Variants in MSI2 observed in about 807,000 individuals in gnomAD.
The protein encoded by MSI2 is musashi RNA binding protein 2, also known as RNA-binding protein Musashi homolog 2.
A neutral mutation model predicts 45.6 loss-of-function variants in MSI2; 17 were observed. The observed-to-expected ratio is 0.37, with a 90% CI of 0.26 to 0.56. The LOEUF (loss-of-function observed/expected upper bound fraction) is 0.56. MSI2 is among the 20% of genes least tolerant of loss of function. MSI2 has a pLI of 0.77. For missense variants in MSI2, 293 were observed against 444.2 expected (o/e 0.66, Z 3.06); for synonymous variants, 156 against 158.2 (o/e 0.99, Z 0.11).
the MSI2 span, among the ~76,000 whole-genome samples, chr17:57,690,578 G>C: frequency 6.6e-6 from 1 of 152,218 alleles, no homozygotes; most frequent in South Asian, 2.1e-4. Flanking sequence ...AAGATTGTAC[G>C]ACTGTACTCC....
intron 6 of MSI2, among the ~76,000 whole-genome samples, chr17:57,453,085 C>CCTCCAG (rs1433168151): frequency 3.3e-5 from 5 of 150,904 alleles, no homozygotes; most frequent in Non-Finnish European, 5.9e-5. Flanking sequence ...CTCACTGCAA[C>CCTCCAG]CTCCACCTCC....
At chr17:57,293,301 T>G (rs913301214) in intron 5 of MSI2, among the ~76,000 whole-genome samples, 3 of 151,998 alleles carry the variant, frequency 2.0e-5, no homozygotes, top group Non-Finnish European at 4.4e-5. Flanking sequence ...GCTTGGAGTA[T>G]GAAACCACCA....
chr17:57,596,276 TCAAA>T lies in MSI2; in HGVS notation c.455-589_455-586del, dbSNP rs1429417639. On this transcript the variant is annotated intron_variant, in intron 7 of 13. Transcript: ENST00000284073. The surrounding 1 kb of genome is among the most constrained non-coding windows in gnomAD (Gnocchi z 4.6). ...ATAGCTGACGGGCTGACAGCAGGCATCAAACAGTCTTAAACTGCCCCAAATCCAG... is the reference window on the plus strand; with the variant it reads ...ATAGCTGACGGGCTGACAGCAGGCATCAGTCTTAAACTGCCCCAAATCCAG... Among the ~76,000 whole-genome samples, 1 of 152,162 alleles carries T rather than the reference TCAAA, an allele frequency of 6.6e-6. No individual in the cohort carries two copies. The highest frequency in any genetic ancestry group is 1.9e-4 in the East Asian group (1 of 5,188).
chr17:57,690,876 A>T, the MSI2 span, among the ~76,000 whole-genome samples: 1 of 152,208 alleles, frequency 6.6e-6, no homozygotes, highest in South Asian at 2.1e-4. Context: ...CAACAATTTT[A>T]TCCTATATTC....
chr17:57,647,275 A>AG (rs1491412727), intron 10 of MSI2, among the ~76,000 whole-genome samples: 1 of 55,140 alleles, frequency 1.8e-5, no homozygotes, highest in East Asian at 4.4e-4. Context: ...CTAAAAATAC[A>AG]AAAAAAAAAA....
chr17:57,600,550 G>A (rs145601108), intron 8 of MSI2, among the ~76,000 whole-genome samples: 68 of 152,358 alleles, frequency 4.5e-4, no homozygotes, highest in African/African-American at 1.5e-3. Context: ...ATCTAATTGG[G>A]TCGGGGAGTC....
chr17:57,566,187 A>G lies in MSI2; in HGVS notation c.455-30681A>G, dbSNP rs184516922. On this transcript the variant is annotated intron_variant, in intron 7 of 13. Transcript: ENST00000284073. Reference sequence around the variant, plus strand: ...TTGTGTACGGCACAGTCCTTGAAGGATTTGCTCCCATTCTCAGGGAGCAAG... The same window carrying G: ...TTGTGTACGGCACAGTCCTTGAAGGGTTTGCTCCCATTCTCAGGGAGCAAG... Among the ~76,000 whole-genome samples the G allele has an allele frequency of 9.7e-4, 148 of 152,242 alleles. 1 individual carries two copies. The highest frequency in any genetic ancestry group is 3.4e-3 in the African/African-American group (140 of 41,534).
At chr17:57,568,120 G>T (rs1343148966) in intron 7 of MSI2, among the ~76,000 whole-genome samples, 1 of 152,196 alleles carries the variant, frequency 6.6e-6, no homozygotes, top group Non-Finnish European at 1.5e-5. Context: ...GGAGCTGGGT[G>T]CAGGAGAGTG....
At chr17:57,595,486 A>C (rs1287262443) in intron 7 of MSI2, among the ~76,000 whole-genome samples, 4 of 152,128 alleles carry the variant, frequency 2.6e-5, no homozygotes, top group Admixed American at 2.0e-4. Flanking sequence ...GGAAGCTGGC[A>C]GTTAAGAGCA....
At chr17:57,581,412 C>T (rs536193080) in intron 7 of MSI2, among the ~76,000 whole-genome samples, 59 of 152,226 alleles carry the variant, frequency 3.9e-4, no homozygotes, top group African/African-American at 1.3e-3. Flanking sequence ...ACCAGGATTT[C>T]TACGATGTCC....
Position 57,285,835 on chromosome 17 carries a change from A to G in MSI2, c.312+23643A>G, listed in dbSNP as rs117512096. The stretch of plus-strand genomic sequence containing the variant: ...TGCCCGTCAGTTAGCCAAGCCTCCT[A>G]CCACTCACTTTCTGTTGTGTAGTTC... On this transcript the variant is annotated intron_variant, in intron 5 of 13. Coordinates refer to ENST00000284073, the MANE Select transcript of MSI2 (RefSeq NM_138962.4). The G allele has an allele frequency of 6.8e-3, 9,797 of 1,449,782 alleles. 39 individuals carry two copies. The highest frequency in any genetic ancestry group is 7.7e-3 in the Non-Finnish European group (8,561 of 1,108,364). 89.8% of individuals were successfully genotyped at this position (1,449,782 alleles called of 1,614,324 possible).
intron 8 of MSI2, among the ~76,000 whole-genome samples, chr17:57,598,610 A>T (rs1415011954): frequency 6.6e-6 from 1 of 152,128 alleles, no homozygotes; most frequent in Non-Finnish European, 1.5e-5. Flanking sequence ...AGCTCCCCAG[A>T]TGTCCGTGCA....
At chr17:57,697,915 T>G in the MSI2 span, among the ~76,000 whole-genome samples, 1 of 152,038 alleles carries the variant, frequency 6.6e-6, no homozygotes, top group Non-Finnish European at 1.5e-5. Flanking sequence ...ACCATATCAC[T>G]CGGGCACCTG....
chr17:57,409,854 A>G (rs1218985856), intron 6 of MSI2, among the ~76,000 whole-genome samples: 1 of 151,684 alleles, frequency 6.6e-6, no homozygotes, highest in Non-Finnish European at 1.5e-5. Flanking sequence ...TAAAAATACA[A>G]AAAATTAACT....
rs556484713 is a variant in MSI2 at position 57,284,778 on chromosome 17, G to C, written c.312+22586G>C. Among the ~76,000 whole-genome samples the C allele has an allele frequency of 2.6e-5, 4 of 152,274 alleles. No individual in the cohort carries two copies. In the East Asian group the frequency reaches 5.8e-4, roughly 22 times the overall value. Reference sequence around the variant, plus strand: ...TTCATGGCGTCATCTGCCCCCATTGGGGGAGGGCTTGTTGGCACAGGTCAC... The same window carrying C: ...TTCATGGCGTCATCTGCCCCCATTGCGGGAGGGCTTGTTGGCACAGGTCAC... On this transcript the variant is annotated intron_variant, in intron 5 of 13. Transcript: ENST00000284073.
chr17:57,632,612 C>T, intron 10 of MSI2: 1 of 1,066,146 alleles, frequency 9.4e-7, no homozygotes, highest in Non-Finnish European at 1.1e-6. Flanking sequence ...CTGATCAGGC[C>T]CCATCTCAAG....
chr17:57,337,455 T>G (rs541269400), intron 5 of MSI2, among the ~76,000 whole-genome samples: 29 of 152,306 alleles, frequency 1.9e-4, no homozygotes, highest in South Asian at 6.2e-4. Context: ...TCTCTCCACT[T>G]TCTCGGCCTC....
At chr17:57,305,650 C>T (rs1911817884) in intron 5 of MSI2, among the ~76,000 whole-genome samples, 1 of 152,162 alleles carries the variant, frequency 6.6e-6, no homozygotes. Context: ...GGAGCTCTCA[C>T]AACAACCCTG....
intron 12 of MSI2, among the ~76,000 whole-genome samples, chr17:57,676,767 G>C (rs953978212): frequency 6.6e-6 from 1 of 152,188 alleles, no homozygotes; most frequent in African/African-American, 2.4e-5. Context: ...GGTTTCCCCC[G>C]GGGTAAGCAG....
Sources: allele counts gnomAD v4.1 joint callset (sites outside exome capture counted in the v4.1 genomes callset), GRCh38; gene constraint gnomAD v4.1.1; non-coding constraint Gnocchi (gnomAD v3.1); transcripts MANE v1.5; gene names NCBI Gene and HGNC (gene_info 2026-07-23, HGNC 2026-07-21).